The following CNTNAP2 variants were observed in gnomAD, a reference collection of about 807,000 sequenced individuals.
The protein encoded by CNTNAP2 is contactin associated protein 2.
Under a neutral mutation model 155.2 loss-of-function variants are expected in CNTNAP2, and 98 were observed. The observed-to-expected ratio is 0.63, with a 90% CI of 0.54 to 0.75. The LOEUF (loss-of-function observed/expected upper bound fraction) is 0.75. CNTNAP2 is among the 30% of genes least tolerant of loss of function. The pLI is 0.00. For missense variants in CNTNAP2, 1,727 were observed against 1,688.1 expected (o/e 1.02, Z -0.40); for synonymous variants, 651 against 631.2 (o/e 1.03, Z -0.47).
chr7:148,186,594 A>T (rs1266715100), intron 18 of CNTNAP2, among the ~76,000 whole-genome samples: 6 of 152,160 alleles, frequency 3.9e-5, no homozygotes, highest in Non-Finnish European at 8.8e-5. Flanking sequence ...CTGAACCATC[A>T]TCTCTATTAA....
At chr7:148,131,328 A>G (rs1804827957) in intron 16 of CNTNAP2, among the ~76,000 whole-genome samples, 1 of 151,832 alleles carries the variant, frequency 6.6e-6, no homozygotes, top group East Asian at 1.9e-4. Flanking sequence ...CAAACTCCTG[A>G]CCTTGTGATC....
At chr7:146,901,416 A>G (rs1795992466) in intron 3 of CNTNAP2, among the ~76,000 whole-genome samples, 1 of 152,206 alleles carries the variant, frequency 6.6e-6, no homozygotes, top group Admixed American at 6.5e-5. Context: ...TTTCTCAGAT[A>G]TTATGAATAC....
intron 12 of CNTNAP2, among the ~76,000 whole-genome samples, chr7:147,616,693 T>C (rs1220862872): frequency 6.6e-6 from 1 of 152,136 alleles, no homozygotes; most frequent in Non-Finnish European, 1.5e-5. Context: ...ACCAAGCTTT[T>C]TTTCACAGAA....
intron 3 of CNTNAP2, among the ~76,000 whole-genome samples, chr7:146,965,307 C>G (rs1418096701): frequency 6.6e-6 from 1 of 152,124 alleles, no homozygotes; most frequent in Non-Finnish European, 1.5e-5. Context: ...CTTTGGGCTG[C>G]TTTGTTCTTC....
intron 8 of CNTNAP2, among the ~76,000 whole-genome samples, chr7:147,231,654 GT>G (rs1252502755): frequency 2.6e-5 from 4 of 152,070 alleles, no homozygotes; most frequent in African/African-American, 9.7e-5. Context: ...CCTCATTATG[GT>G]TTTAATTTGT....
At chr7:147,827,743 A>G (rs10261473) in intron 13 of CNTNAP2, among the ~76,000 whole-genome samples, 8,170 of 152,212 alleles carry the variant, frequency 0.054, 738 homozygotes, top group African/African-American at 0.19. Context: ...GGTAGGAAGG[A>G]GATGATTTAG....
intron 3 of CNTNAP2, among the ~76,000 whole-genome samples, chr7:146,983,452 G>T (rs758270614): frequency 2.5e-4 from 38 of 151,992 alleles, no homozygotes; most frequent in Non-Finnish European, 4.7e-4. Flanking sequence ...CAAACAAAAG[G>T]CAATTATTGA....
intron 13 of CNTNAP2, among the ~76,000 whole-genome samples, chr7:147,807,994 AAAAAT>A (rs1798120809): frequency 6.6e-6 from 1 of 152,030 alleles, no homozygotes; most frequent in African/African-American, 2.4e-5. Flanking sequence ...TTTAAAAAAA[AAAAAT>A]AAAAAGTAGT....
intron 1 of CNTNAP2, among the ~76,000 whole-genome samples, chr7:146,651,803 T>A (rs1799916657): frequency 6.6e-6 from 1 of 152,144 alleles, no homozygotes; most frequent in South Asian, 2.1e-4. Flanking sequence ...ATGCTATATA[T>A]TATTCTGAAA....
At chr7:146,534,842 T>G (rs1055540173) in intron 1 of CNTNAP2, among the ~76,000 whole-genome samples, 1 of 151,160 alleles carries the variant, frequency 6.6e-6, no homozygotes, top group Admixed American at 6.6e-5. Flanking sequence ...TTATTGCCAT[T>G]ATGATTTTAG....
At chr7:147,254,027 T>C (rs1804264306) in intron 8 of CNTNAP2, among the ~76,000 whole-genome samples, 1 of 152,186 alleles carries the variant, frequency 6.6e-6, no homozygotes, top group South Asian at 2.1e-4. Flanking sequence ...TGCTTGGGTG[T>C]CTTCAAGTAT....
chr7:146,718,994 G>A (rs947028736), intron 1 of CNTNAP2, among the ~76,000 whole-genome samples: 1 of 152,054 alleles, frequency 6.6e-6, no homozygotes, highest in African/African-American at 2.4e-5. Flanking sequence ...TTTCTCCTAG[G>A]GGTTTTCAAA....
intron 1 of CNTNAP2, among the ~76,000 whole-genome samples, chr7:146,691,751 C>G (rs1272726695): frequency 1.1e-4 from 16 of 152,070 alleles, no homozygotes; most frequent in Admixed American, 6.6e-4. Flanking sequence ...CTCTCCTCCC[C>G]CTTTTGCATT....
intron 3 of CNTNAP2, among the ~76,000 whole-genome samples, chr7:146,933,843 C>G (rs1477382078): frequency 6.6e-6 from 1 of 152,078 alleles, no homozygotes; most frequent in Non-Finnish European, 1.5e-5. Flanking sequence ...TGAAAAAATG[C>G]TCACCATCAC....
In CNTNAP2 at chr7:147,117,693, A is replaced by G. The variant is rs371212841; in HGVS notation, c.755-3286A>G. Among the ~76,000 whole-genome samples the G allele has an allele frequency of 2.6e-5, 4 of 152,162 alleles. No homozygotes were observed. The South Asian group carries it at 8.3e-4, about 32-fold the overall frequency. ...TTGAGTGGTCCAAACATTCCTGAAT[A>G]TGACTTGTATCTCATATATTAACTT... On this transcript the variant is annotated intron_variant, in intron 5 of 23. Transcript: ENST00000361727.
chr7:146,826,836 GTA>G (rs376484843), intron 2 of CNTNAP2, among the ~76,000 whole-genome samples: 5,921 of 143,684 alleles, frequency 0.041, 120 homozygotes, highest in African/African-American at 0.053. Flanking sequence ...ATGAATATAT[GTA>G]TATATATATA....
chr7:148,319,757 C>T (rs542706160), intron 21 of CNTNAP2, among the ~76,000 whole-genome samples: 1 of 151,842 alleles, frequency 6.6e-6, no homozygotes, highest in Non-Finnish European at 1.5e-5. Context: ...TATCTCCCAT[C>T]ACCCCTGAGA....
At chr7:147,265,636 C>T (rs182424148) in intron 8 of CNTNAP2, among the ~76,000 whole-genome samples, 34 of 152,324 alleles carry the variant, frequency 2.2e-4, no homozygotes, top group Non-Finnish European at 4.7e-4. Context: ...GAGCACAGCA[C>T]ACTCCCTCCA....
chr7:148,374,982 T>TA (rs1367998736), intron 21 of CNTNAP2, among the ~76,000 whole-genome samples: 4 of 152,144 alleles, frequency 2.6e-5, no homozygotes, highest in African/African-American at 7.2e-5. Context: ...TTCTTAGCCC[T>TA]AAAAAATCAT....
Sources: allele counts gnomAD v4.1 joint callset (sites outside exome capture counted in the v4.1 genomes callset), GRCh38; gene constraint gnomAD v4.1.1; transcripts MANE v1.5; gene names NCBI Gene and HGNC (gene_info 2026-07-23, HGNC 2026-07-21).